The following ARID5B variants were observed in gnomAD, a reference collection of about 807,000 sequenced individuals.
ARID5B encodes the protein AT-rich interaction domain 5B.
ARID5B carries 13 observed loss-of-function variants against 97.2 expected under a neutral mutation model. That is an observed-to-expected ratio of 0.13 (90% CI 0.09 to 0.21). The LOEUF (loss-of-function observed/expected upper bound fraction) is 0.21, where lower values mean the gene tolerates loss of function less well. Among genes scored for constraint, ARID5B ranks in the 10% least tolerant of loss-of-function variants. The pLI is 1.00. For synonymous variants in ARID5B, 556 were observed against 570.3 expected (o/e 0.97, Z 0.36); for missense variants, 1,210 against 1,465.3 (o/e 0.83, Z 2.84).
At chr10:62,032,050 G>A (rs1226373032) in intron 4 of ARID5B, among the ~76,000 whole-genome samples, 1 of 152,156 alleles carries the variant, frequency 6.6e-6, no homozygotes, top group Non-Finnish European at 1.5e-5. Flanking sequence ...AATGTAGCCG[G>A]GCGCAGTGGT....
chr10:61,920,516 T>C (rs1843995428), intron 2 of ARID5B, among the ~76,000 whole-genome samples: 1 of 152,024 alleles, frequency 6.6e-6, no homozygotes, highest in Non-Finnish European at 1.5e-5. Context: ...TTTGTATTTT[T>C]AGTAGAGACA....
chr10:61,921,898 G>A (rs868770991), intron 2 of ARID5B, among the ~76,000 whole-genome samples: 8 of 152,066 alleles, frequency 5.3e-5, no homozygotes, highest in Admixed American at 1.3e-4. Context: ...TCGGAGTGCA[G>A]TAGTGTGACC....
intron 5 of ARID5B, among the ~76,000 whole-genome samples, chr10:62,054,188 A>G (rs1839826260): frequency 6.6e-6 from 1 of 152,158 alleles, no homozygotes; most frequent in Admixed American, 6.5e-5. Flanking sequence ...CAGATCTAGT[A>G]ATTAACTGTC....
chr10:61,926,818 G>A (rs575576230), intron 2 of ARID5B, among the ~76,000 whole-genome samples: 47 of 152,158 alleles, frequency 3.1e-4, no homozygotes, highest in Middle Eastern at 3.4e-3. Context: ...TAGAGATGGG[G>A]TTTCATCGTG....
At chr10:61,934,147 C>T (rs1008527798) in intron 2 of ARID5B, among the ~76,000 whole-genome samples, 2 of 152,188 alleles carry the variant, frequency 1.3e-5, no homozygotes, top group Non-Finnish European at 2.9e-5. Flanking sequence ...CTGTTAGCTT[C>T]CAACCTTTAT....
At chr10:62,049,261 C>T in intron 4 of ARID5B, 1 of 1,414,082 alleles carries the variant, frequency 7.1e-7, no homozygotes, top group Non-Finnish European at 9.2e-7. Flanking sequence ...CAGGCTCATC[C>T]CACACACTCG....
At chr10:61,924,809 T>C (rs992377643) in intron 2 of ARID5B, among the ~76,000 whole-genome samples, 1 of 152,196 alleles carries the variant, frequency 6.6e-6, no homozygotes, top group African/African-American at 2.4e-5. Context: ...CAGATTTTCA[T>C]ACACCAACAG....
chr10:62,032,571 C>T lies in ARID5B; in HGVS notation c.734-18317C>T, dbSNP rs555122884. 3.3e-3 allele frequency among the ~76,000 whole-genome samples: 497 copies of T among 152,050 alleles called. 5 individuals are homozygous for T. The highest frequency in any genetic ancestry group is 0.011 in the African/African-American group (465 of 41,488). Reference sequence around the variant, plus strand: ...CTCTACTAAGAATACAAAAATTAGCCGGGCGTGGTGATGGGCGCCTGTAAT... The same window carrying T: ...CTCTACTAAGAATACAAAAATTAGCTGGGCGTGGTGATGGGCGCCTGTAAT... On this transcript the variant is annotated intron_variant, in intron 4 of 9. Coordinates refer to ENST00000279873, the MANE Select transcript of ARID5B (RefSeq NM_032199.3).
intron 4 of ARID5B, among the ~76,000 whole-genome samples, chr10:62,034,483 T>C (rs1430151122): frequency 2.6e-5 from 4 of 152,256 alleles, no homozygotes; most frequent in African/African-American, 4.8e-5. Flanking sequence ...GTTTAGCTAA[T>C]GGGTTACTCA....
At chr10:61,914,778 C>T (rs1843870741) in intron 2 of ARID5B, among the ~76,000 whole-genome samples, 1 of 152,120 alleles carries the variant, frequency 6.6e-6, no homozygotes, top group African/African-American at 2.4e-5. Context: ...CTCATGGATA[C>T]TCTATTATGT....
chr10:62,031,821 C>T (rs571453403), intron 4 of ARID5B, among the ~76,000 whole-genome samples: 61 of 152,122 alleles, frequency 4.0e-4, no homozygotes, highest in Non-Finnish European at 7.8e-4. Flanking sequence ...TCTCTCAACT[C>T]CTTAAGAAAA....
At chr10:62,040,723 TA>T (rs1414593690) in intron 4 of ARID5B, among the ~76,000 whole-genome samples, 1 of 152,218 alleles carries the variant, frequency 6.6e-6, no homozygotes, top group Non-Finnish European at 1.5e-5. Context: ...GCAATCAATA[TA>T]AAATGTTATT....
intron 8 of ARID5B, among the ~76,000 whole-genome samples, chr10:62,071,567 A>G (rs72835114): frequency 1.9e-4 from 28 of 146,868 alleles, no homozygotes; most frequent in Non-Finnish European, 3.0e-4. Context: ...AAAAAAAAAA[A>G]AGAGAGAAGG....
chr10:62,041,218 G>C (rs1007701319), intron 4 of ARID5B, among the ~76,000 whole-genome samples: 1 of 152,140 alleles, frequency 6.6e-6, no homozygotes, highest in Non-Finnish European at 1.5e-5. Flanking sequence ...GTTTGCATGA[G>C]GTTCTTGGTA....
At position 62,090,892 on chromosome 10, in the gene ARID5B, A is replaced by G. The variant is rs912069856; in HGVS notation, c.1429A>G (p.Thr477Ala). Residue 477 changes from threonine (T) to alanine (A), a missense_variant, in exon 10 of 10, where the codon ACT (threonine) becomes GCT (alanine). By Grantham distance (58) the Thr-to-Ala change is moderately conservative. Coordinates refer to ENST00000279873, the MANE Select transcript of ARID5B (RefSeq NM_032199.3). ...VSSEQEKEQE[T>A]LISQKSIPEP... ...ATCAGAGCAAGAAAAAGAACAAGAG[A>G]CTTTAATAAGCCAGAAAAGCATCCC... 6.3e-7 allele frequency: 1 copy of G among 1,592,196 alleles called. No individual in the cohort carries two copies. The highest frequency in any genetic ancestry group is 1.4e-5 in the African/African-American group (1 of 73,080).
intron 3 of ARID5B, among the ~76,000 whole-genome samples, chr10:61,952,430 T>C (rs1370852840): frequency 6.6e-6 from 1 of 152,248 alleles, no homozygotes; most frequent in Non-Finnish European, 1.5e-5. Context: ...ACCAATATAA[T>C]GCAGTATCTT....
At chr10:61,928,417 C>T (rs1844145362) in intron 2 of ARID5B, among the ~76,000 whole-genome samples, 1 of 152,164 alleles carries the variant, frequency 6.6e-6, no homozygotes, top group Non-Finnish European at 1.5e-5. Context: ...CCTCCCATCT[C>T]AGCCTCCTGA....
intron 8 of ARID5B, 85 bp downstream of exon 8, chr10:62,069,882 T>C (rs374148498): frequency 4.8e-5 from 65 of 1,359,066 alleles, no homozygotes; most frequent in Non-Finnish European, 6.4e-5. Context: ...AGAGGAAGTC[T>C]AAATGACCTT....
chr10:61,969,521 C>G (rs1838595061), intron 3 of ARID5B, among the ~76,000 whole-genome samples: 1 of 152,062 alleles, frequency 6.6e-6, no homozygotes, highest in Non-Finnish European at 1.5e-5. Flanking sequence ...ACCATACCAG[C>G]CATACCAAGG....
Sources: gnomAD v4.1 joint callset for allele counts (sites outside exome capture counted in the v4.1 genomes callset) on GRCh38, gnomAD v4.1.1 for gene constraint, MANE v1.5 for transcripts, NCBI Gene and HGNC (gene_info 2026-07-23, HGNC 2026-07-21) for gene names.